Variants in JAKMIP1 observed in about 807,000 individuals in gnomAD.
JAKMIP1 encodes the protein janus kinase and microtubule-interacting protein 1.
A neutral mutation model predicts 113.0 loss-of-function variants in JAKMIP1; 33 were observed. The ratio of observed to expected loss-of-function variants is 0.29; its 90% CI spans 0.22 to 0.39. The LOEUF (loss-of-function observed/expected upper bound fraction) is 0.39, where lower values mean the gene tolerates loss of function less well. Among genes scored for constraint, JAKMIP1 ranks in the 10% least tolerant of loss-of-function variants. The pLI, the probability that JAKMIP1 is intolerant of heterozygous loss-of-function variation, is 1.00. For synonymous variants in JAKMIP1, 480 were observed against 459.9 expected (o/e 1.04, Z -0.56); for missense variants, 813 against 1,080.5 (o/e 0.75, Z 3.47).
rs111841810 is a variant in JAKMIP1 at position 6,162,121 on chromosome 4, C to T, written c.-148+38132G>A. ...GGGACGGGGTAGATTATGGGCCAGACGGGGGGCCAAGAGGTCAGCAGGGCC... is the reference window on the plus strand; with the variant it reads ...GGGACGGGGTAGATTATGGGCCAGATGGGGGGCCAAGAGGTCAGCAGGGCC... On this transcript the variant is annotated intron_variant, in intron 1 of 20. Coordinates refer to ENST00000409021, the MANE Select transcript of JAKMIP1 (RefSeq NM_001099433.2). The surrounding 1 kb of genome is among the most constrained non-coding windows in gnomAD (Gnocchi z 5.6). 6.7e-6 allele frequency among the ~76,000 whole-genome samples: 1 copy of T among 149,858 alleles called. No homozygotes were observed. The highest frequency in any genetic ancestry group is 2.5e-5 in the African/African-American group (1 of 39,300).
intron 1 of JAKMIP1, among the ~76,000 whole-genome samples, chr4:6,177,525 G>A (rs191697170): frequency 1.4e-3 from 208 of 152,274 alleles, no homozygotes; most frequent in African/African-American, 4.7e-3. Context: ...AAGAGCCTGG[G>A]CTTCCCTGTC....
At position 6,057,162 on chromosome 4, in the gene JAKMIP1, G is replaced by A. The variant is rs112746969; in HGVS notation, c.1645-403C>T. Reference sequence around the variant, plus strand: ...TCTCTGCCTGCGATGCCCTTCCCACGTTTCTTTGCCTGGTCGTATCCTCTT... The same window carrying A: ...TCTCTGCCTGCGATGCCCTTCCCACATTTCTTTGCCTGGTCGTATCCTCTT... On this transcript the variant is annotated intron_variant, in intron 11 of 20. Transcript: ENST00000409021. 1.2e-4 allele frequency among the ~76,000 whole-genome samples: 19 copies of A among 152,238 alleles called. No homozygotes were observed. In the South Asian group the frequency reaches 2.7e-3, roughly 22 times the overall value.
intron 1 of JAKMIP1, among the ~76,000 whole-genome samples, chr4:6,191,399 T>G (rs1474341879): frequency 5.3e-5 from 8 of 152,210 alleles, no homozygotes; most frequent in African/African-American, 1.9e-4. Context: ...GTATTTCACC[T>G]GTGGAGGCTA....
chr4:6,174,167 T>C (rs560263753), intron 1 of JAKMIP1, among the ~76,000 whole-genome samples: 13 of 152,312 alleles, frequency 8.5e-5, no homozygotes, highest in African/African-American at 3.1e-4. Flanking sequence ...GTTGCAATAA[T>C]ACCCTATATA....
intron 3 of JAKMIP1, among the ~76,000 whole-genome samples, chr4:6,087,692 C>T (rs556570797): frequency 4.2e-4 from 64 of 152,116 alleles, no homozygotes; most frequent in South Asian, 2.9e-3. Flanking sequence ...GAACAAAAAA[C>T]GTGCCAGAGG....
chr4:6,064,382 C>T lies in JAKMIP1; in HGVS notation c.1431+498G>A, dbSNP rs534914872. 2.0e-5 allele frequency among the ~76,000 whole-genome samples: 3 copies of T among 152,124 alleles called. No homozygotes were observed. The stretch of plus-strand genomic sequence containing the variant: ...CACAGGTGGTCAGGACAGGGTGAGG[C>T]GGTGACCTTGGGGTGATGGGACTTC... On this transcript the variant is annotated intron_variant, in intron 9 of 20. Coordinates refer to ENST00000409021, the MANE Select transcript of JAKMIP1 (RefSeq NM_001099433.2). The surrounding 1 kb of genome is among the most constrained non-coding windows in gnomAD (Gnocchi z 4.3).
chr4:6,062,910 G>A (rs1717516135), intron 9 of JAKMIP1, among the ~76,000 whole-genome samples: 1 of 152,258 alleles, frequency 6.6e-6, no homozygotes, highest in African/African-American at 2.4e-5. Flanking sequence ...ACTTTGGGAG[G>A]CTGAGGCAGA....
Position 6,089,801 on chromosome 4 carries a change from A to C in JAKMIP1, c.625-4172T>G, listed in dbSNP as rs1256244777. ...CTTGGTACCTGTAGTGGGATGAATAATGTCCCCCAAAATGTCACATCTACC... is the reference window on the plus strand; with the variant it reads ...CTTGGTACCTGTAGTGGGATGAATACTGTCCCCCAAAATGTCACATCTACC... On this transcript the variant is annotated intron_variant, in intron 3 of 20. Coordinates refer to ENST00000409021, the MANE Select transcript of JAKMIP1 (RefSeq NM_001099433.2). The surrounding 1 kb of genome is among the most constrained non-coding windows in gnomAD (Gnocchi z 5.3). 6.6e-6 allele frequency among the ~76,000 whole-genome samples: 1 copy of C among 152,182 alleles called. No individual in the cohort carries two copies. Among genetic ancestry groups the C allele is most frequent in the Non-Finnish European group, 1.5e-5 (1 of 68,032 alleles).
rs763215180 is a variant in JAKMIP1, at chr4:6,064,869, G to T, written c.1431+11C>A. 12 of 1,613,822 alleles carry T rather than the reference G, an allele frequency of 7.4e-6. No homozygotes were observed. In the Admixed American group the frequency reaches 2.0e-4, roughly 27 times the overall value. On this transcript the variant is annotated intron_variant, in intron 9 of 20. Transcript: ENST00000409021. The surrounding 1 kb of genome is among the most constrained non-coding windows in gnomAD (Gnocchi z 4.3). ...GGGGTGAGGTCCCGCCCTCTCTGCA[G>T]GTTTGCTTACATCGTCCAAGTCTTC...
At chr4:6,060,221 G>C (rs1717068594) in intron 11 of JAKMIP1, among the ~76,000 whole-genome samples, 1 of 152,204 alleles carries the variant, frequency 6.6e-6, no homozygotes, top group Non-Finnish European at 1.5e-5. Flanking sequence ...GCCATACCTT[G>C]TTTTGATTTT....
At chr4:6,048,616 C>T (rs1285018840) in intron 16 of JAKMIP1, among the ~76,000 whole-genome samples, 1 of 152,232 alleles carries the variant, frequency 6.6e-6, no homozygotes. Context: ...AGGAAATACA[C>T]AAAAGTGACA....
intron 20 of JAKMIP1, among the ~76,000 whole-genome samples, chr4:6,026,976 G>A (rs1398625128): frequency 6.6e-6 from 1 of 150,878 alleles, no homozygotes; most frequent in Non-Finnish European, 1.5e-5. Flanking sequence ...AAAGGATTGG[G>A]CACCCCAGCC....
intron 12 of JAKMIP1, among the ~76,000 whole-genome samples, chr4:6,055,870 T>C (rs1448291228): frequency 1.1e-4 from 13 of 113,488 alleles, no homozygotes; most frequent in Admixed American, 2.7e-4. Context: ...GCAGCCCTCC[T>C]TATTTCTGCA....
intron 1 of JAKMIP1, among the ~76,000 whole-genome samples, chr4:6,123,080 G>T (rs1034030232): frequency 6.6e-6 from 1 of 152,198 alleles, no homozygotes; most frequent in Admixed American, 6.5e-5. Context: ...TAATAATTTA[G>T]GAAATGCAAA....
chr4:6,124,128 C>T (rs1717084454), intron 1 of JAKMIP1, among the ~76,000 whole-genome samples: 1 of 152,322 alleles, frequency 6.6e-6, no homozygotes, highest in South Asian at 2.1e-4. Flanking sequence ...GGCCCTGGCC[C>T]GGCTGTGTTC....
intron 11 of JAKMIP1, among the ~76,000 whole-genome samples, 189 bp from the exon 12 acceptor site, chr4:6,056,948 G>A (rs1443895941): frequency 6.6e-6 from 1 of 152,102 alleles, no homozygotes; most frequent in Non-Finnish European, 1.5e-5. Context: ...CTGGTTTGTG[G>A]GGCATCCCTT....
At chr4:6,128,386 C>T (rs1291503900) in intron 1 of JAKMIP1, among the ~76,000 whole-genome samples, 1 of 152,138 alleles carries the variant, frequency 6.6e-6, no homozygotes, top group East Asian at 1.9e-4. Flanking sequence ...GACAGAAGGC[C>T]ACCTGCTTCC....
chr4:6,035,632 A>G (rs1042344823), intron 19 of JAKMIP1, among the ~76,000 whole-genome samples: 1 of 152,224 alleles, frequency 6.6e-6, no homozygotes, highest in African/African-American at 2.4e-5. Context: ...CAGCGTGCAG[A>G]TGCTGGAGAA....
chr4:6,114,663 C>T (rs1375247144), intron 1 of JAKMIP1, among the ~76,000 whole-genome samples: 2 of 152,250 alleles, frequency 1.3e-5, no homozygotes, highest in Non-Finnish European at 2.9e-5. Context: ...AAGGATTATT[C>T]TGGGCTAATC....
Sources: allele counts gnomAD v4.1 joint callset (sites outside exome capture counted in the v4.1 genomes callset), GRCh38; gene constraint gnomAD v4.1.1; non-coding constraint Gnocchi (gnomAD v3.1); transcripts MANE v1.5; gene names NCBI Gene and HGNC (gene_info 2026-07-23, HGNC 2026-07-21).